The following LRP1B variants were observed in gnomAD, a reference collection of about 807,000 sequenced individuals.
The protein encoded by LRP1B is LDL receptor related protein 1B.
A neutral mutation model predicts 556.6 loss-of-function variants in LRP1B; 217 were observed. The observed-to-expected ratio is 0.39, with a 90% CI of 0.35 to 0.44. The LOEUF is 0.44. Ranked by LOEUF, LRP1B falls within the 20% of genes least tolerant of loss-of-function variation. The pLI, the probability that LRP1B is intolerant of heterozygous loss-of-function variation, is 1.00. For synonymous variants in LRP1B, 2,047 were observed against 1,865.8 expected, an observed-to-expected ratio of 1.10 and a Z score of -2.50; for missense variants, 5,053 against 5,620.8, an observed-to-expected ratio of 0.90 and a Z score of 3.23.
At chr2:141,208,421 C>A (rs918161152) in intron 6 of LRP1B, 1 of 152,238 alleles carries the variant, frequency 6.6e-6, no homozygotes, top group South Asian at 2.1e-4. Context: ...CCTGCATGGA[C>A]TGCAGCAGGC....
intron 2 of LRP1B, among the ~76,000 whole-genome samples, chr2:141,724,403 T>C (rs1268450526): frequency 6.6e-6 from 1 of 151,864 alleles, no homozygotes; most frequent in Non-Finnish European, 1.5e-5. Flanking sequence ...AATTTTTAAG[T>C]ATGAAAGGGA....
intron 1 of LRP1B, among the ~76,000 whole-genome samples, chr2:141,909,175 C>G (rs1206086565): frequency 6.6e-6 from 1 of 151,884 alleles, no homozygotes; most frequent in Non-Finnish European, 1.5e-5. Flanking sequence ...AGGACTTGTT[C>G]CATATGTAGA....
chr2:141,202,957 T>A (rs1682104155), intron 6 of LRP1B, among the ~76,000 whole-genome samples: 1 of 152,046 alleles, frequency 6.6e-6, no homozygotes, highest in South Asian at 2.1e-4. Context: ...CAACTCCCAA[T>A]TATGAGTGAG....
chr2:140,509,629 C>T (rs561077217), intron 52 of LRP1B, among the ~76,000 whole-genome samples: 1 of 152,258 alleles, frequency 6.6e-6, no homozygotes, highest in African/African-American at 2.4e-5. Flanking sequence ...AAACCTACTG[C>T]ACTCGTACAC....
intron 20 of LRP1B, among the ~76,000 whole-genome samples, chr2:140,926,763 A>G (rs1375077001): frequency 3.9e-5 from 6 of 152,162 alleles, no homozygotes; most frequent in Non-Finnish European, 2.9e-5. Context: ...ATTATACATG[A>G]TGCTTTTTAT....
intron 1 of LRP1B, among the ~76,000 whole-genome samples, chr2:141,855,708 C>T (rs1301084856): frequency 1.3e-5 from 2 of 152,176 alleles, no homozygotes; most frequent in East Asian, 1.9e-4. Context: ...AAGGCAAAAC[C>T]ACATGGATAT....
chr2:141,490,930 GTTTTTTTTT>G (rs67482957), intron 2 of LRP1B, among the ~76,000 whole-genome samples: 6 of 135,722 alleles, frequency 4.4e-5, no homozygotes, highest in Admixed American at 7.3e-5. Flanking sequence ...AGGTTAAAAT[GTTTTTTTTT>G]TTTTTTTTTT....
At chr2:141,900,358 G>A in intron 1 of LRP1B, among the ~76,000 whole-genome samples, 1 of 152,044 alleles carries the variant, frequency 6.6e-6, no homozygotes, top group Admixed American at 6.6e-5. Context: ...TTGCAGATAT[G>A]CAAAAGAAAA....
intron 1 of LRP1B, among the ~76,000 whole-genome samples, chr2:141,909,525 CATTTTTTTTTTTTTT>C (rs1350568975): frequency 5.1e-5 from 6 of 118,130 alleles, no homozygotes; most frequent in Non-Finnish European, 1.0e-4. Context: ...AGGTCTCAGA[CATTTTTTTTTTTTTT>C]TTTTTTTTTT....
chr2:141,785,687 C>T (rs538377687), intron 2 of LRP1B, among the ~76,000 whole-genome samples: 3 of 150,326 alleles, frequency 2.0e-5, no homozygotes, highest in African/African-American at 7.3e-5. Flanking sequence ...TTAGGAGAGA[C>T]GGAGCAGAAA....
chr2:140,887,471 T>A (rs1693670599), intron 23 of LRP1B, among the ~76,000 whole-genome samples: 1 of 152,140 alleles, frequency 6.6e-6, no homozygotes, highest in Non-Finnish European at 1.5e-5. Context: ...TTTCCTCCAC[T>A]CATATTCAAA....
At position 140,886,223 on chromosome 2, in the gene LRP1B, A is replaced by C; in HGVS notation, c.3879T>G (p.Leu1293=). The C allele has an allele frequency of 2.5e-6, 4 of 1,610,576 alleles. No individual in the cohort carries two copies. The highest frequency in any genetic ancestry group is 1.7e-4 in the Middle Eastern group (1 of 6,052). The change falls in exon 24 of 91, where the codon CTT becomes CTG. Residue 1293 remains leucine (L), a synonymous_variant. Coordinates refer to ENST00000389484, the MANE Select transcript of LRP1B (RefSeq NM_018557.3). ...LVPGLRNTIA[L]DFHFNQSLLY... ...GTAAACTTTGATTGAAGTGAAAATC[A>C]AGTGCTATTGTGTTTCTCAATCCAG...
chr2:141,385,557 A>G (rs952098287), intron 3 of LRP1B, among the ~76,000 whole-genome samples: 3 of 152,176 alleles, frequency 2.0e-5, no homozygotes, highest in African/African-American at 7.2e-5. Flanking sequence ...TGCATTCATG[A>G]CAGAACAAAA....
intron 25 of LRP1B, among the ~76,000 whole-genome samples, chr2:140,880,759 T>A (rs892106260): frequency 2.6e-4 from 40 of 152,186 alleles, no homozygotes; most frequent in Non-Finnish European, 8.8e-5. Context: ...CATTTGTTAT[T>A]GTAAACAAAG....
chr2:140,683,590 G>A (rs1252740799), intron 41 of LRP1B: 3 of 691,300 alleles, frequency 4.3e-6, no homozygotes, highest in African/African-American at 3.6e-5. Context: ...AGATTGCCAG[G>A]CTGTTCCTTG....
At chr2:141,600,625 A>G (rs183950517) in intron 2 of LRP1B, among the ~76,000 whole-genome samples, 4 of 152,302 alleles carry the variant, frequency 2.6e-5, no homozygotes, top group African/African-American at 9.6e-5. Flanking sequence ...TTTGCTGAGC[A>G]GGAAAAGTCA....
intron 35 of LRP1B, among the ~76,000 whole-genome samples, chr2:140,738,328 G>A (rs546380727): frequency 3.3e-5 from 5 of 152,190 alleles, no homozygotes; most frequent in African/African-American, 4.8e-5. Context: ...GCAGGTGGTC[G>A]GTGGGTGGGC....
At chr2:141,523,401 C>T (rs1351201099) in intron 2 of LRP1B, among the ~76,000 whole-genome samples, 2 of 152,072 alleles carry the variant, frequency 1.3e-5, no homozygotes, top group African/African-American at 4.8e-5. Context: ...ACCTCTCAAA[C>T]CCCAGTTTCT....
intron 6 of LRP1B, among the ~76,000 whole-genome samples, chr2:141,210,971 G>A (rs78705991): frequency 0.013 from 1,903 of 152,112 alleles, 42 homozygotes; most frequent in African/African-American, 0.041. Context: ...GTGCTAAGAG[G>A]TTTATTTTTT....
Sources: gnomAD v4.1 joint callset for allele counts (sites outside exome capture counted in the v4.1 genomes callset) on GRCh38, gnomAD v4.1.1 for gene constraint, MANE v1.5 for transcripts, NCBI Gene and HGNC (gene_info 2026-07-23, HGNC 2026-07-21) for gene names.